Variants in ANKIB1 observed in about 807,000 individuals in gnomAD.
ANKIB1 encodes ankyrin repeat and IBR domain containing 1, also known as ankyrin repeat and IBR domain-containing protein 1.
In ANKIB1, 43 loss-of-function variants were observed where a neutral mutation model predicts 122.1. The observed-to-expected ratio is 0.35, with a 90% CI of 0.28 to 0.45. ANKIB1 has a LOEUF of 0.45. ANKIB1 is among the 20% of genes least tolerant of loss of function. ANKIB1 has a pLI of 1.00. For missense variants in ANKIB1, 992 were observed against 1,329.5 expected, an observed-to-expected ratio of 0.75 and a Z score of 3.95; for synonymous variants, 390 against 442.0, an observed-to-expected ratio of 0.88 and a Z score of 1.48.
intron 5 of ANKIB1, among the ~76,000 whole-genome samples, chr7:92,333,507 G>A (rs747428880): frequency 1.1e-4 from 16 of 152,070 alleles, no homozygotes; most frequent in Non-Finnish European, 2.1e-4. Context: ...CATTTCCCTA[G>A]GGATGCCCTC....
At position 92,249,590 on chromosome 7, in the gene ANKIB1, C is replaced by T. The variant is rs187332508; in HGVS notation, c.-91+3071C>T. Among the ~76,000 whole-genome samples the T allele has an allele frequency of 7.2e-3, 1,092 of 152,154 alleles. 11 individuals carry two copies. Among genetic ancestry groups the T allele is most frequent in the African/African-American group, 0.025 (1,040 of 41,488 alleles). On this transcript the variant is annotated intron_variant, in intron 1 of 19. Transcript: ENST00000265742. ...AAAAAACTAGCTGGGTGTGGTGGCA[C>T]GCCCCTGTAATCCCAGCTACTTGGG...
chr7:92,317,523 A>G (rs1802817874), intron 3 of ANKIB1, among the ~76,000 whole-genome samples: 3 of 152,236 alleles, frequency 2.0e-5, no homozygotes, highest in Admixed American at 2.0e-4. Context: ...ACCAGATAGT[A>G]AATATTTTAA....
intron 11 of ANKIB1, among the ~76,000 whole-genome samples, chr7:92,383,479 G>T: frequency 6.6e-6 from 1 of 152,134 alleles, no homozygotes; most frequent in East Asian, 1.9e-4. Flanking sequence ...GAACATTGAT[G>T]CAAAAATCCT....
intron 1 of ANKIB1, among the ~76,000 whole-genome samples, chr7:92,281,811 T>G (rs1239144963): frequency 6.6e-6 from 1 of 152,194 alleles, no homozygotes; most frequent in Non-Finnish European, 1.5e-5. Context: ...AGCAGCAATT[T>G]GTAGTTGTTC....
chr7:92,246,465 G>C lies in ANKIB1; in HGVS notation c.-145G>C, dbSNP rs1401224408. 1.9e-6 allele frequency: 1 copy of C among 518,104 alleles called. No homozygotes were observed. The highest frequency in any genetic ancestry group is 3.8e-6 in the Non-Finnish European group (1 of 259,742). The allele number at this position is 518,104 out of a possible 1,614,324, so 32.1% of individuals were successfully genotyped here. A position where few individuals can be genotyped will look rare whatever the true frequency, so the allele number is the denominator to read the frequency against. On this transcript the variant is annotated 5_prime_UTR_variant, in exon 1 of 20. Transcript: ENST00000265742. ...CTGTAGAGGCAGGGGCGGCGGAGGC[G>C]GAACTGCGGAGTTGCTGGGTCCACC...
intron 9 of ANKIB1, among the ~76,000 whole-genome samples, chr7:92,353,876 C>A (rs924602553): frequency 6.6e-6 from 1 of 152,046 alleles, no homozygotes; most frequent in Non-Finnish European, 1.5e-5. Context: ...AAACTGGAAT[C>A]CTGGTTGAAA....
At chr7:92,271,140 G>C (rs1206721793) in intron 1 of ANKIB1, among the ~76,000 whole-genome samples, 1 of 151,762 alleles carries the variant, frequency 6.6e-6, no homozygotes, top group African/African-American at 2.4e-5. Flanking sequence ...TGTATAAGTT[G>C]TCCTTGTATC....
At chr7:92,286,768 G>A (rs1450476502) in intron 1 of ANKIB1, among the ~76,000 whole-genome samples, 6 of 152,150 alleles carry the variant, frequency 3.9e-5, no homozygotes, top group South Asian at 4.1e-4. Context: ...GAGCCACCAC[G>A]CCTGGCTTAT....
chr7:92,335,730 T>C (rs1188084812), intron 5 of ANKIB1, among the ~76,000 whole-genome samples: 1 of 152,040 alleles, frequency 6.6e-6, no homozygotes. Context: ...TCTTTATCCA[T>C]TCTGATGGAC....
chr7:92,283,816 G>A (rs1375132751), intron 1 of ANKIB1, among the ~76,000 whole-genome samples: 1 of 152,002 alleles, frequency 6.6e-6, no homozygotes, highest in Non-Finnish European at 1.5e-5. Flanking sequence ...TGTTTCCCAG[G>A]CTGGAGTGCA....
At chr7:92,360,252 C>T (rs1312212946) in intron 9 of ANKIB1, among the ~76,000 whole-genome samples, 2 of 152,180 alleles carry the variant, frequency 1.3e-5, no homozygotes, top group African/African-American at 2.4e-5. Flanking sequence ...AAGCTGGTAA[C>T]AACCACTCTA....
chr7:92,348,504 A>C (rs369433308), intron 7 of ANKIB1, among the ~76,000 whole-genome samples: 4 of 150,636 alleles, frequency 2.7e-5, no homozygotes, highest in Admixed American at 6.6e-5. Context: ...TCCTGCCTCA[A>C]CCTCCTGAGG....
At chr7:92,264,544 C>T (rs902906764) in intron 1 of ANKIB1, among the ~76,000 whole-genome samples, 15 of 151,944 alleles carry the variant, frequency 9.9e-5, no homozygotes, top group South Asian at 6.3e-4. Context: ...ACTATAGGTG[C>T]GTGCCACCAC....
chr7:92,387,202 C>T (rs894993017), intron 12 of ANKIB1, among the ~76,000 whole-genome samples: 1 of 152,130 alleles, frequency 6.6e-6, no homozygotes, highest in African/African-American at 2.4e-5. Flanking sequence ...AATAGGGCCC[C>T]ACCCTGATGA....
chr7:92,308,571 G>A (rs756739447), intron 3 of ANKIB1, among the ~76,000 whole-genome samples: 2 of 151,850 alleles, frequency 1.3e-5, no homozygotes, highest in Non-Finnish European at 2.9e-5. Context: ...AAGTGCTCCT[G>A]AATACATACT....
At chr7:92,262,746 T>A (rs182515000) in intron 1 of ANKIB1, among the ~76,000 whole-genome samples, 5 of 152,132 alleles carry the variant, frequency 3.3e-5, no homozygotes, top group African/African-American at 9.6e-5. Flanking sequence ...TAGATAACTA[T>A]CTATAATTTT....
At chr7:92,282,919 C>T (rs965645334) in intron 1 of ANKIB1, among the ~76,000 whole-genome samples, 1 of 152,090 alleles carries the variant, frequency 6.6e-6, no homozygotes, top group Non-Finnish European at 1.5e-5. Flanking sequence ...TTCCAAGTTT[C>T]GACAGTTTTC....
At chr7:92,318,215 T>C (rs1277568532) in intron 3 of ANKIB1, among the ~76,000 whole-genome samples, 3 of 152,116 alleles carry the variant, frequency 2.0e-5, no homozygotes, top group Non-Finnish European at 4.4e-5. Flanking sequence ...TATGACTGAA[T>C]CCTATAAAAG....
chr7:92,279,573 C>T (rs1263850738), intron 1 of ANKIB1, among the ~76,000 whole-genome samples: 1 of 152,112 alleles, frequency 6.6e-6, no homozygotes, highest in African/African-American at 2.4e-5. Flanking sequence ...TTGCAGCAGT[C>T]CCAGAGTCAC....
Sources: gnomAD v4.1 joint callset for allele counts (sites outside exome capture counted in the v4.1 genomes callset) on GRCh38, gnomAD v4.1.1 for gene constraint, MANE v1.5 for transcripts, NCBI Gene and HGNC (gene_info 2026-07-23, HGNC 2026-07-21) for gene names.